Variants in ELOVL7 observed in about 807,000 individuals in gnomAD.
ELOVL7 encodes very long chain fatty acid elongase 7.
In ELOVL7, 27 loss-of-function variants were observed where a neutral mutation model predicts 35.7. The ratio of observed to expected loss-of-function variants is 0.76; its 90% confidence interval spans 0.56 to 1.04. The LOEUF (loss-of-function observed/expected upper bound fraction) is 1.04, where lower values mean the gene tolerates loss of function less well. Among genes scored for constraint, ELOVL7 ranks in the 50% least tolerant of loss-of-function variants. The pLI is 0.00. For synonymous variants in ELOVL7, 113 were observed against 114.6 expected (o/e 0.99, Z 0.09); for missense variants, 327 against 340.8 (o/e 0.96, Z 0.32).
At chr5:60,766,373 A>G (rs1039790449) in intron 6 of ELOVL7, among the ~76,000 whole-genome samples, 2 of 152,246 alleles carry the variant, frequency 1.3e-5, no homozygotes, top group Non-Finnish European at 2.9e-5. Context: ...CTGAAAAAAT[A>G]AGGTTATCCT....
chr5:60,767,830 G>A lies in ELOVL7; in HGVS notation c.329C>T (p.Ala110Val), dbSNP rs1355905671. Residue 110 changes from alanine to valine, a missense_variant, in exon 5 of 9, where the codon GCT becomes GTT. Transcript: ENST00000508821. ...TTCCAAAGAGAAACTTACCCTCAAA[G>A]CTGTGGGTGACCGTGAATAGTCAAC... ...DIVDYSRSPT[A>V]LRMARTCWLY... The A allele has an allele frequency of 1.2e-6, 2 of 1,612,430 alleles. No individual in the cohort carries two copies. The highest frequency in any genetic ancestry group is 1.7e-6 in the Non-Finnish European group (2 of 1,178,680).
At chr5:60,831,160 A>G (rs975803094) in intron 1 of ELOVL7, among the ~76,000 whole-genome samples, 2 of 152,204 alleles carry the variant, frequency 1.3e-5, no homozygotes, top group Non-Finnish European at 2.9e-5. Flanking sequence ...TACTATGGAC[A>G]CAGGAGATTA....
chr5:60,795,267 G>A (rs1337669080), intron 2 of ELOVL7, among the ~76,000 whole-genome samples: 2 of 152,090 alleles, frequency 1.3e-5, no homozygotes, highest in Non-Finnish European at 2.9e-5. Context: ...TTCCTAGGCC[G>A]ACTAAGAATT....
intron 1 of ELOVL7, among the ~76,000 whole-genome samples, chr5:60,812,796 G>T (rs563045484): frequency 5.3e-5 from 8 of 152,210 alleles, no homozygotes; most frequent in African/African-American, 1.9e-4. Context: ...CCTTCTCACA[G>T]CCCTGACCTT....
intron 2 of ELOVL7, 52 bp from the exon 3 acceptor site, chr5:60,787,483 G>A (rs2112239430): frequency 9.5e-7 from 1 of 1,057,894 alleles, no homozygotes; most frequent in Non-Finnish European, 1.4e-6. Context: ...TGCAAATAAA[G>A]TCAAGCTTAT....
At chr5:60,815,533 C>T (rs1745465593) in intron 1 of ELOVL7, among the ~76,000 whole-genome samples, 1 of 135,392 alleles carries the variant, frequency 7.4e-6, no homozygotes, top group East Asian at 2.2e-4. Context: ...CTCAAATACA[C>T]GCAATAAAAT....
intron 3 of ELOVL7, among the ~76,000 whole-genome samples, chr5:60,782,320 C>A (rs1370123081): frequency 6.6e-6 from 1 of 152,120 alleles, no homozygotes; most frequent in African/African-American, 2.4e-5. Context: ...ATTACTATAG[C>A]TATAAGGAAA....
At chr5:60,837,115 G>T (rs1746840887) in intron 1 of ELOVL7, among the ~76,000 whole-genome samples, 1 of 151,584 alleles carries the variant, frequency 6.6e-6, no homozygotes, top group Non-Finnish European at 1.5e-5. Context: ...GGCTTCAAAG[G>T]ATTCATTAGA....
At chr5:60,785,538 ACT>A (rs1348462507) in intron 3 of ELOVL7, among the ~76,000 whole-genome samples, 1 of 152,052 alleles carries the variant, frequency 6.6e-6, no homozygotes, top group African/African-American at 2.4e-5. Context: ...CTTCCAAATA[ACT>A]CTATTTCAAA....
At chr5:60,764,477 C>A in intron 6 of ELOVL7, 145 bp from the exon 7 acceptor site, 1 of 628,302 alleles carries the variant, frequency 1.6e-6, no homozygotes, top group Non-Finnish European at 2.7e-6. Context: ...ACAGAAGCAG[C>A]TAATTCCCCA....
rs979616847 is a variant in ELOVL7, at chr5:60,797,317, C to T, written c.-35+1863G>A. Among the ~76,000 whole-genome samples, 13 of 152,310 alleles carry T rather than the reference C, an allele frequency of 8.5e-5. No homozygotes were observed. In the East Asian group the frequency reaches 2.5e-3, roughly 29 times the overall value. ...TTGATGGCTCATGTATACTAACCCA[C>T]ATTTCTCCTTGGTATTTTATGTATC... On this transcript the variant is annotated intron_variant, in intron 2 of 8. Transcript: ENST00000508821.
intron 2 of ELOVL7, among the ~76,000 whole-genome samples, chr5:60,795,933 T>TGCCGCCATCTTGGGAGCAGCCC (rs1204620892): frequency 1.2e-3 from 177 of 152,332 alleles, no homozygotes; most frequent in Middle Eastern, 6.8e-3. Context: ...ACAAAAGGCT[T>TGCCGCCATCTTGGGAGCAGCCC]GCCGCCATCT....
intron 6 of ELOVL7, among the ~76,000 whole-genome samples, chr5:60,765,659 C>A (rs34724099): frequency 6.6e-6 from 1 of 151,856 alleles, no homozygotes; most frequent in East Asian, 1.9e-4. Flanking sequence ...GGGTGGGGGT[C>A]GAGGCAGCTG....
intron 2 of ELOVL7, among the ~76,000 whole-genome samples, chr5:60,797,807 GC>G (rs1744355950): frequency 2.0e-5 from 3 of 152,172 alleles, no homozygotes; most frequent in Non-Finnish European, 2.9e-5. Flanking sequence ...AATATCTTGG[GC>G]CCCCAAAGTC....
At chr5:60,829,251 C>T (rs1031202701) in intron 1 of ELOVL7, among the ~76,000 whole-genome samples, 1 of 152,024 alleles carries the variant, frequency 6.6e-6, no homozygotes, top group African/African-American at 2.4e-5. Context: ...ACTTTAACAA[C>T]CTTTTTTAAA....
At chr5:60,840,415 G>A (rs1292485727) in intron 1 of ELOVL7, among the ~76,000 whole-genome samples, 2 of 152,168 alleles carry the variant, frequency 1.3e-5, no homozygotes, top group Non-Finnish European at 2.9e-5. Context: ...AGGAATATCA[G>A]AGATTGCTGC....
chr5:60,757,783 T>A, intron 7 of ELOVL7, 138 bp from the exon 8 acceptor site: 1 of 672,512 alleles, frequency 1.5e-6, no homozygotes, highest in Non-Finnish European at 2.3e-6. Context: ...GTTAAACAAC[T>A]ATCAAATTAG....
At chr5:60,788,753 A>T (rs1743750009) in intron 2 of ELOVL7, among the ~76,000 whole-genome samples, 1 of 152,186 alleles carries the variant, frequency 6.6e-6, no homozygotes, top group Non-Finnish European at 1.5e-5. Flanking sequence ...AGCCTGGTCC[A>T]GCCTGGTCCA....
intron 1 of ELOVL7, among the ~76,000 whole-genome samples, chr5:60,816,420 C>T (rs1745521898): frequency 6.6e-6 from 1 of 151,876 alleles, no homozygotes; most frequent in African/African-American, 2.4e-5. Context: ...TAATTGGTTA[C>T]CCATAAGCAC....
Sources: gnomAD v4.1 joint callset for allele counts (sites outside exome capture counted in the v4.1 genomes callset) on GRCh38, gnomAD v4.1.1 for gene constraint, MANE v1.5 for transcripts, NCBI Gene and HGNC (gene_info 2026-07-23, HGNC 2026-07-21) for gene names.